Variants in NEK11 observed in about 807,000 individuals in gnomAD.
The protein encoded by NEK11 is NIMA related kinase 11.
Under a neutral mutation model 80.7 loss-of-function variants are expected in NEK11, and 72 were observed. The ratio of observed to expected loss-of-function variants is 0.89; its 90% CI spans 0.74 to 1.08. NEK11 has a LOEUF of 1.08. Among genes scored for constraint, NEK11 ranks in the 50% least tolerant of loss-of-function variants. NEK11 has a pLI of 0.00. For synonymous variants in NEK11, 251 were observed against 260.7 expected, an observed-to-expected ratio of 0.96 and a Z score of 0.36; for missense variants, 764 against 763.6, an observed-to-expected ratio of 1.00 and a Z score of -0.01.
chr3:131,323,982 A>G (rs1227103737), intron 17 of NEK11, among the ~76,000 whole-genome samples: 1 of 152,168 alleles, frequency 6.6e-6, no homozygotes, highest in African/African-American at 2.4e-5. Flanking sequence ...GCAGTTTGGG[A>G]TGAAGGACTC....
chr3:131,161,495 C>T (rs1231754535), intron 10 of NEK11, among the ~76,000 whole-genome samples: 1 of 152,154 alleles, frequency 6.6e-6, no homozygotes, highest in Non-Finnish European at 1.5e-5. Flanking sequence ...TGGGATACTA[C>T]ACAGCCATAA....
intron 3 of NEK11, among the ~76,000 whole-genome samples, chr3:131,064,916 G>A (rs929598418): frequency 6.6e-6 from 1 of 151,976 alleles, no homozygotes; most frequent in Non-Finnish European, 1.5e-5. Context: ...AAGAGTGAAC[G>A]TTGGAGCCAA....
chr3:131,335,869 T>C (rs1284200762), intron 17 of NEK11, among the ~76,000 whole-genome samples: 2 of 152,072 alleles, frequency 1.3e-5, no homozygotes, highest in African/African-American at 2.4e-5. Flanking sequence ...CCATTCACAA[T>C]TGCTTCAAAG....
chr3:131,160,540 C>T (rs2091399099), intron 10 of NEK11, among the ~76,000 whole-genome samples: 1 of 152,134 alleles, frequency 6.6e-6, no homozygotes, highest in Non-Finnish European at 1.5e-5. Context: ...GCATAATAAC[C>T]AGATAACATC....
At chr3:131,344,978 T>G (rs1388330743) in intron 17 of NEK11, among the ~76,000 whole-genome samples, 1 of 152,232 alleles carries the variant, frequency 6.6e-6, no homozygotes, top group African/African-American at 2.4e-5. Context: ...TCCCTTATAA[T>G]CCTTTTTTAT....
In NEK11 at chr3:131,345,357, TAACTC is replaced by T. The variant is rs565487883; in HGVS notation, c.1719-4197_1719-4193del. The stretch of plus-strand genomic sequence containing the variant: ...TACAACTTAACTGCAAAAAACCAAA[TAACTC>T]AATTTTTAAAATGGCCAGAGGATCT... On this transcript the variant is annotated intron_variant, in intron 17 of 17. Transcript: ENST00000383366. Among the ~76,000 whole-genome samples the T allele has an allele frequency of 4.7e-4, 72 of 152,210 alleles. 1 individual carries two copies. In the South Asian group the frequency reaches 0.014, roughly 29 times the overall value.
intron 17 of NEK11, among the ~76,000 whole-genome samples, chr3:131,307,960 A>G (rs1004884010): frequency 1.3e-5 from 2 of 152,230 alleles, no homozygotes; most frequent in African/African-American, 4.8e-5. Context: ...TTAAAATTAA[A>G]TGTTTGCTTC....
intron 3 of NEK11, among the ~76,000 whole-genome samples, chr3:131,060,266 G>A (rs2070594005): frequency 6.6e-6 from 1 of 152,208 alleles, no homozygotes; most frequent in Non-Finnish European, 1.5e-5. Context: ...TCTCATTTGA[G>A]CAGATCTGTA....
chr3:131,180,603 C>T (rs1021687084), intron 14 of NEK11, among the ~76,000 whole-genome samples: 1 of 152,168 alleles, frequency 6.6e-6, no homozygotes, highest in African/African-American at 2.4e-5. Context: ...TTACCTAGGT[C>T]AGCAGGCGTA....
At chr3:131,297,089 C>A (rs916505237) in intron 17 of NEK11, among the ~76,000 whole-genome samples, 2 of 152,264 alleles carry the variant, frequency 1.3e-5, no homozygotes, top group South Asian at 4.2e-4. Flanking sequence ...GTTTCCAAGT[C>A]TTTGCTATTG....
intron 7 of NEK11, among the ~76,000 whole-genome samples, chr3:131,145,310 C>T (rs2149734170): frequency 6.6e-6 from 1 of 152,230 alleles, no homozygotes; most frequent in Non-Finnish European, 1.5e-5. Context: ...TGGCCTACCA[C>T]ATCTTTTTAT....
intron 9 of NEK11, 140 bp downstream of exon 9, chr3:131,152,849 G>T: frequency 1.6e-6 from 1 of 609,704 alleles, no homozygotes; most frequent in Non-Finnish European, 2.9e-6. Context: ...AAGCTGAGAG[G>T]CCGAGGCGGA....
chr3:131,303,987 A>C (rs2096693638), intron 17 of NEK11, among the ~76,000 whole-genome samples: 1 of 152,220 alleles, frequency 6.6e-6, no homozygotes, highest in South Asian at 2.1e-4. Context: ...AAGAGATGCC[A>C]GTGAGTCATA....
intron 14 of NEK11, among the ~76,000 whole-genome samples, chr3:131,218,760 G>A (rs994221947): frequency 1.3e-5 from 2 of 152,146 alleles, no homozygotes; most frequent in Non-Finnish European, 2.9e-5. Context: ...GGCATGAGAC[G>A]GTATCTCATT....
intron 15 of NEK11, among the ~76,000 whole-genome samples, chr3:131,229,948 TC>T (rs1377006773): frequency 6.6e-6 from 1 of 152,080 alleles, no homozygotes; most frequent in Non-Finnish European, 1.5e-5. Context: ...TCCAACGGAA[TC>T]TGGAAAACAA....
chr3:131,199,881 C>T (rs1028317000), intron 14 of NEK11, among the ~76,000 whole-genome samples: 2 of 151,970 alleles, frequency 1.3e-5, no homozygotes, highest in African/African-American at 4.8e-5. Context: ...GAAGAAAGGG[C>T]AAAAGACCGG....
intron 17 of NEK11, among the ~76,000 whole-genome samples, chr3:131,306,368 A>G (rs2096723862): frequency 6.6e-6 from 1 of 152,076 alleles, no homozygotes. Flanking sequence ...GGGGAGGAGA[A>G]GCATTCTACA....
intron 14 of NEK11, among the ~76,000 whole-genome samples, chr3:131,227,870 T>C (rs2095243592): frequency 6.6e-6 from 1 of 152,172 alleles, no homozygotes; most frequent in Admixed American, 6.6e-5. Context: ...TCAAGTAACT[T>C]GGGTAGATGC....
In NEK11 at chr3:131,184,981, G is replaced by C. The variant is rs148795623; in HGVS notation, c.1399+14094G>C. On this transcript the variant is annotated intron_variant, in intron 14 of 17. Coordinates refer to ENST00000383366, the MANE Select transcript of NEK11 (RefSeq NM_024800.5). ...GGGTCACCAGAGTAATCCTCCCAAG[G>C]CTCCTTGGGATGTGTCCTGCCTAAG... is the stretch of plus-strand genomic sequence containing the variant. 4.3e-3 allele frequency among the ~76,000 whole-genome samples: 658 copies of C among 152,216 alleles called. 4 individuals carry two copies. Among genetic ancestry groups the C allele is most frequent in the Middle Eastern group, 0.014 (4 of 294 alleles).
Sources: allele counts gnomAD v4.1 joint callset (sites outside exome capture counted in the v4.1 genomes callset), GRCh38; gene constraint gnomAD v4.1.1; transcripts MANE v1.5; gene names NCBI Gene and HGNC (gene_info 2026-07-23, HGNC 2026-07-21).